Variants in SCN1A observed in about 807,000 individuals in gnomAD.
SCN1A encodes the protein sodium voltage-gated channel alpha subunit 1.
SCN1A carries 13 observed loss-of-function variants against 193.7 expected under a neutral mutation model. The ratio of observed to expected loss-of-function variants is 0.07; its 90% CI spans 0.04 to 0.11. The LOEUF (loss-of-function observed/expected upper bound fraction) is 0.11, where lower values mean the gene tolerates loss of function less well. Ranked by LOEUF, SCN1A falls within the 10% of genes least tolerant of loss-of-function variation. SCN1A has a pLI of 1.00. For missense variants in SCN1A, 1,432 were observed against 2,451.1 expected (o/e 0.58, Z 8.78); for synonymous variants, 781 against 843.6 (o/e 0.93, Z 1.29).
rs768533187 is a variant in SCN1A, at chr2:166,045,031, G to A, written c.1662+12C>T. The A allele has an allele frequency of 6.2e-7, 1 of 1,613,820 alleles. No homozygotes were observed. The highest frequency in any genetic ancestry group is 1.1e-5 in the South Asian group (1 of 91,070). On this transcript the variant is annotated intron_variant, in intron 13 of 28. Transcript: ENST00000674923. ...TTTCAACCATGCATCAGTAAACTCAGCAGTGCCATACCTGGTGTGGGGAGG... is the reference window on the plus strand; with the variant it reads ...TTTCAACCATGCATCAGTAAACTCAACAGTGCCATACCTGGTGTGGGGAGG...
At chr2:166,052,793 G>T in intron 8 of SCN1A, 59 bp downstream of exon 8, 1 of 1,313,496 alleles carries the variant, frequency 7.6e-7, no homozygotes, top group Non-Finnish European at 1.1e-6. Flanking sequence ...TGAATGTCAA[G>T]CAGAGAAGGA....
chr2:166,009,811 A>G lies in SCN1A; in HGVS notation c.3910T>C (p.Leu1304=), dbSNP rs1269562360. ...VSLVSLTANA[L]GYSELGAIKS... ...ATGGCTCCAAGTTCTGAGTAACCCA[A>G]GGCATTTGCTGTTAAACTGACCAAT... is the stretch of plus-strand genomic sequence containing the variant. Residue 1304 remains leucine (L), a synonymous_variant, in exon 23 of 29, where the codon TTG becomes CTG. Coordinates refer to ENST00000674923, the MANE Select transcript of SCN1A (RefSeq NM_001165963.4). The G allele has an allele frequency of 6.2e-7, 1 of 1,607,346 alleles. No homozygotes were observed. The highest frequency in any genetic ancestry group is 8.5e-7 in the Non-Finnish European group (1 of 1,175,190).
At chr2:166,002,407 G>A in intron 24 of SCN1A, 65 bp downstream of exon 24, 1 of 1,430,590 alleles carries the variant, frequency 7.0e-7, no homozygotes. Context: ...AATAATAGAT[G>A]TATGTCATTA....
At chr2:166,094,148 A>C (rs528870210) in intron 2 of SCN1A, among the ~76,000 whole-genome samples, 15 of 152,332 alleles carry the variant, frequency 9.8e-5, no homozygotes, top group African/African-American at 3.6e-4. Context: ...AGGATGGATA[A>C]AACATCTGAT....
rs573688099 is a variant in SCN1A at position 166,093,623 on chromosome 2, G to A, written c.-141-15822C>T. On this transcript the variant is annotated intron_variant, in intron 2 of 28. Transcript: ENST00000674923. ...CTCCCAAAGTGCTGGGATTACAGGCGTGAGCCACCATGCATGGCCTGAATT... is the reference window on the plus strand; with the variant it reads ...CTCCCAAAGTGCTGGGATTACAGGCATGAGCCACCATGCATGGCCTGAATT... Among the ~76,000 whole-genome samples, 228 of 152,222 alleles carry A rather than the reference G, an allele frequency of 1.5e-3. 1 individual carries two copies. The highest frequency in any genetic ancestry group is 5.1e-3 in the African/African-American group (213 of 41,544).
chr2:166,146,343 T>C (rs1016510518), intron 1 of SCN1A, among the ~76,000 whole-genome samples: 7 of 152,190 alleles, frequency 4.6e-5, no homozygotes, highest in African/African-American at 1.7e-4. Context: ...TCTTCATTTA[T>C]TTATAAGTTT....
intron 22 of SCN1A, among the ~76,000 whole-genome samples, 200 bp downstream of exon 22, chr2:166,011,909 T>C (rs1414256992): frequency 6.6e-6 from 1 of 151,334 alleles, no homozygotes; most frequent in Non-Finnish European, 1.5e-5. Flanking sequence ...CTACCATAGA[T>C]TCCATCCCCC....
At chr2:166,025,056 A>C (rs1694570893) in intron 19 of SCN1A, among the ~76,000 whole-genome samples, 1 of 152,200 alleles carries the variant, frequency 6.6e-6, no homozygotes, top group Non-Finnish European at 1.5e-5. Flanking sequence ...ATTATTTGCC[A>C]AATGTATTTG....
chr2:166,053,260 C>G, intron 7 of SCN1A: 1 of 602,724 alleles, frequency 1.7e-6, no homozygotes. Flanking sequence ...AATTAGATTC[C>G]ATCATTAATC....
At chr2:166,050,136 A>G (rs552253636) in intron 9 of SCN1A, among the ~76,000 whole-genome samples, 78 of 152,112 alleles carry the variant, frequency 5.1e-4, no homozygotes, top group African/African-American at 1.8e-3. Context: ...ACAAAGAGAA[A>G]GGACTATAAT....
At chr2:166,068,174 T>C (rs981025584) in intron 4 of SCN1A, among the ~76,000 whole-genome samples, 1 of 152,154 alleles carries the variant, frequency 6.6e-6, no homozygotes, top group African/African-American at 2.4e-5. Flanking sequence ...TATTTTGATA[T>C]TAAAACCAGA....
At chr2:166,024,808 T>A (rs889866546) in intron 19 of SCN1A, among the ~76,000 whole-genome samples, 3 of 152,054 alleles carry the variant, frequency 2.0e-5, no homozygotes, top group Non-Finnish European at 4.4e-5. Context: ...TACAGGTGCA[T>A]GCCACCACAC....
chr2:166,120,938 A>C (rs1192118328), intron 2 of SCN1A, among the ~76,000 whole-genome samples: 1 of 151,206 alleles, frequency 6.6e-6, no homozygotes, highest in Non-Finnish European at 1.5e-5. Flanking sequence ...TAATCTCTCC[A>C]ATTTTGTTTG....
At chr2:166,044,665 A>C (rs963674416) in intron 13 of SCN1A, among the ~76,000 whole-genome samples, 8 of 152,190 alleles carry the variant, frequency 5.3e-5, no homozygotes, top group South Asian at 2.1e-4. Context: ...GGGAAAAAAA[A>C]CATAAAATCA....
At position 166,052,961 on chromosome 2, in the gene SCN1A, C is replaced by T; in HGVS notation, c.603-18G>A. On this transcript the variant is annotated intron_variant, in intron 7 of 28. Transcript: ENST00000674923. ...TGACGTACCTGTAATAGGGAGTTCACACACAAACACAAAAACAGGACACAA... is the reference window on the plus strand; with the variant it reads ...TGACGTACCTGTAATAGGGAGTTCATACACAAACACAAAAACAGGACACAA... 1.3e-6 allele frequency: 2 copies of T among 1,592,602 alleles called. No individual in the cohort carries two copies. Among genetic ancestry groups the T allele is most frequent in the Non-Finnish European group, 1.7e-6 (2 of 1,161,390 alleles).
upstream of SCN1A, among the ~76,000 whole-genome samples, chr2:166,132,996 C>A (rs1691719989): frequency 6.6e-6 from 1 of 151,768 alleles, no homozygotes; most frequent in Non-Finnish European, 1.5e-5. Context: ...TCTTTAGAAC[C>A]AATGTGCTTG....
chr2:166,120,235 A>C (rs1016676178), intron 2 of SCN1A, among the ~76,000 whole-genome samples: 2 of 148,978 alleles, frequency 1.3e-5, no homozygotes, highest in Non-Finnish European at 3.0e-5. Context: ...TATTACTTTT[A>C]TTATAAGAAA....
At chr2:166,123,746 G>A (rs968218170) in intron 2 of SCN1A, 7 of 152,010 alleles carry the variant, frequency 4.6e-5, no homozygotes, top group African/African-American at 1.7e-4. Flanking sequence ...AACATTGAAT[G>A]TTTTAAATTT....
At chr2:165,993,210 TGAGA>T (rs113561102) in intron 28 of SCN1A, 1,747 of 122,802 alleles carry the variant, frequency 0.014, 22 homozygotes, top group Middle Eastern at 0.11. Context: ...TGTGTGTGTG[TGAGA>T]GAGAGAGAGA....
Sources: gnomAD v4.1 joint callset for allele counts (sites outside exome capture counted in the v4.1 genomes callset) on GRCh38, gnomAD v4.1.1 for gene constraint, MANE v1.5 for transcripts, NCBI Gene and HGNC (gene_info 2026-07-23, HGNC 2026-07-21) for gene names.